KIF6: variants seen among roughly 807,000 people sequenced by gnomAD.
KIF6 encodes kinesin-like protein KIF6.
A neutral mutation model predicts 112.7 loss-of-function variants in KIF6; 106 were observed. That is an observed-to-expected ratio of 0.94 (90% CI 0.80 to 1.11). KIF6 has a LOEUF of 1.11. Ranked by LOEUF, KIF6 falls within the 50% of genes least tolerant of loss-of-function variation. The probability of loss-of-function intolerance (pLI) is 0.00; values close to 1 mark genes in which losing one functional copy is unlikely to be tolerated. For synonymous variants in KIF6, 339 were observed against 339.9 expected (o/e 1.00, Z 0.03); for missense variants, 929 against 964.0 (o/e 0.96, Z 0.48).
chr6:39,533,228 G>T lies in KIF6; in HGVS notation c.1645+6775C>A, dbSNP rs138415957. Among the ~76,000 whole-genome samples, 1,143 of 152,342 alleles carry T rather than the reference G, an allele frequency of 7.5e-3. 15 individuals are homozygous for T. Among genetic ancestry groups the T allele is most frequent in the African/African-American group, 0.026 (1,063 of 41,570 alleles). On this transcript the variant is annotated intron_variant, in intron 13 of 22. Coordinates refer to ENST00000287152, the MANE Select transcript of KIF6 (RefSeq NM_145027.6). ...CAAGGCATTGCCTCACTCGGGAAGC[G>T]CAAGGGGTCAGGGAGTTCCCTTTCC...
At chr6:39,428,192 G>A (rs2043090361) in intron 14 of KIF6, among the ~76,000 whole-genome samples, 1 of 152,148 alleles carries the variant, frequency 6.6e-6, no homozygotes, top group African/African-American at 2.4e-5. Context: ...GAATATCTGG[G>A]GAGTCAGGGC....
rs1281881892 is a variant in KIF6, at chr6:39,334,699, A to C, written c.*1833T>G. The C allele has an allele frequency of 6.6e-6, 1 of 152,326 alleles. No homozygotes were observed. The highest frequency in any genetic ancestry group is 1.5e-5 in the Non-Finnish European group (1 of 68,126). The allele number at this position is 152,326 out of a possible 1,614,324, so 9.4% of individuals were successfully genotyped here. The stretch of plus-strand genomic sequence containing the variant: ...TCTAGAGGGCTGAGGGCACTAAGGC[A>C]TGCCAAGAATACTGCTGCTGCTACA... On this transcript the variant is annotated 3_prime_UTR_variant, in exon 23 of 23. Transcript: ENST00000287152.
intron 5 of KIF6, among the ~76,000 whole-genome samples, chr6:39,630,767 C>A (rs1784312662): frequency 6.6e-6 from 1 of 151,978 alleles, no homozygotes; most frequent in Admixed American, 6.6e-5. Context: ...TGGGAGAAAG[C>A]ATCTAGCTTC....
In KIF6 at chr6:39,632,567, C is replaced by T. The variant is rs143300521; in HGVS notation, c.509+2282G>A. 3.1e-3 allele frequency among the ~76,000 whole-genome samples: 470 copies of T among 151,002 alleles called. 2 individuals carry two copies. The highest frequency in any genetic ancestry group is 4.5e-3 in the Non-Finnish European group (302 of 67,848). ...GAGTTTGTAATTAATAGCACATATG[C>T]TTAATCAAATCCAAGTACAGCAAAA... On this transcript the variant is annotated intron_variant, in intron 5 of 22. Coordinates refer to ENST00000287152, the MANE Select transcript of KIF6 (RefSeq NM_145027.6).
intron 5 of KIF6, among the ~76,000 whole-genome samples, chr6:39,615,736 A>G (rs1489009450): frequency 6.6e-6 from 1 of 152,104 alleles, no homozygotes; most frequent in African/African-American, 2.4e-5. Context: ...TTCATGCCCA[A>G]AGGGTAAAAT....
intron 6 of KIF6, among the ~76,000 whole-genome samples, chr6:39,605,703 G>C (rs1247442913): frequency 1.3e-5 from 2 of 152,116 alleles, no homozygotes; most frequent in African/African-American, 4.8e-5. Context: ...ATGTCACTCA[G>C]AGTACAGATG....
intron 10 of KIF6, among the ~76,000 whole-genome samples, chr6:39,575,861 C>T (rs182735747): frequency 6.6e-6 from 1 of 152,324 alleles, no homozygotes; most frequent in African/African-American, 2.4e-5. Flanking sequence ...CTATCCTTTA[C>T]TCTTGTCCAT....
intron 22 of KIF6, among the ~76,000 whole-genome samples, chr6:39,341,750 G>T (rs1295015190): frequency 6.6e-6 from 1 of 151,968 alleles, no homozygotes; most frequent in African/African-American, 2.4e-5. Flanking sequence ...AAATGGCACT[G>T]CCATTCTCTT....
In KIF6 at chr6:39,379,338, T is replaced by C. The variant is rs1354064215; in HGVS notation, c.1861+6284A>G. On this transcript the variant is annotated intron_variant, in intron 16 of 22. Coordinates refer to ENST00000287152, the MANE Select transcript of KIF6 (RefSeq NM_145027.6). ...TATTTTATGCTCAAATGTCTCATTG[T>C]GCTTTTGCAAAATGTGTGAGTCTGG... Among the ~76,000 whole-genome samples, 3 of 152,240 alleles carry C rather than the reference T, an allele frequency of 2.0e-5. No individual in the cohort carries two copies. The East Asian group carries it at 5.8e-4, about 29-fold the overall frequency.
chr6:39,650,988 C>T (rs1582369110), intron 3 of KIF6, among the ~76,000 whole-genome samples: 1 of 151,914 alleles, frequency 6.6e-6, no homozygotes, highest in East Asian at 1.9e-4. Context: ...AGCAAGATAA[C>T]CACCAAGATA....
intron 12 of KIF6, among the ~76,000 whole-genome samples, chr6:39,541,502 C>T (rs564485722): frequency 2.0e-5 from 3 of 152,326 alleles, no homozygotes; most frequent in South Asian, 2.1e-4. Context: ...CAATATCCAT[C>T]GACTCCATCG....
intron 3 of KIF6, among the ~76,000 whole-genome samples, chr6:39,694,640 A>C (rs772240860): frequency 6.6e-6 from 1 of 152,204 alleles, no homozygotes; most frequent in Non-Finnish European, 1.5e-5. Flanking sequence ...AAGAAGAATG[A>C]CAAGACACTG....
intron 16 of KIF6, among the ~76,000 whole-genome samples, chr6:39,374,044 A>C (rs1766239426): frequency 6.6e-6 from 1 of 152,220 alleles, no homozygotes; most frequent in African/African-American, 2.4e-5. Context: ...GACCAATGCA[A>C]CAGGAGAGAA....
At chr6:39,545,460 G>C in intron 11 of KIF6, 123 bp downstream of exon 11, 1 of 624,524 alleles carries the variant, frequency 1.6e-6, no homozygotes, top group Non-Finnish European at 2.9e-6. Flanking sequence ...TTCAAAGATC[G>C]TACCATTTTC....
chr6:39,372,288 C>T (rs1766069591), intron 16 of KIF6, among the ~76,000 whole-genome samples: 1 of 152,128 alleles, frequency 6.6e-6, no homozygotes, highest in South Asian at 2.1e-4. Context: ...AAAAAAGTAA[C>T]CTTCAGGGCA....
At chr6:39,638,198 T>C (rs1028049133) in intron 4 of KIF6, among the ~76,000 whole-genome samples, 1 of 152,106 alleles carries the variant, frequency 6.6e-6, no homozygotes, top group African/African-American at 2.4e-5. Flanking sequence ...GTATTGAGCA[T>C]ATACTGTGTG....
At chr6:39,563,612 A>G (rs1475504893) in intron 10 of KIF6, among the ~76,000 whole-genome samples, 1 of 152,230 alleles carries the variant, frequency 6.6e-6, no homozygotes, top group African/African-American at 2.4e-5. Context: ...TTTGTGATAA[A>G]TATCTTTGTA....
intron 13 of KIF6, among the ~76,000 whole-genome samples, chr6:39,443,071 G>A (rs895355088): frequency 2.0e-5 from 3 of 150,172 alleles, no homozygotes; most frequent in East Asian, 3.9e-4. Flanking sequence ...CCGAGATCAC[G>A]CCATTGCACT....
chr6:39,352,557 A>C (rs919354532), intron 19 of KIF6, among the ~76,000 whole-genome samples: 1 of 149,524 alleles, frequency 6.7e-6, no homozygotes, highest in African/African-American at 2.5e-5. Flanking sequence ...AGCATCTTTC[A>C]CTAAGCAATA....
Sources: gnomAD v4.1 joint callset for allele counts (sites outside exome capture counted in the v4.1 genomes callset) on GRCh38, gnomAD v4.1.1 for gene constraint, MANE v1.5 for transcripts, NCBI Gene and HGNC (gene_info 2026-07-23, HGNC 2026-07-21) for gene names.